TTC8: variants seen among roughly 807,000 people sequenced by gnomAD.
The protein encoded by TTC8 is tetratricopeptide repeat domain 8.
A neutral mutation model predicts 72.5 loss-of-function variants in TTC8; 47 were observed. The ratio of observed to expected loss-of-function variants is 0.65; its 90% CI spans 0.51 to 0.83. TTC8 has a LOEUF of 0.83. Among genes scored for constraint, TTC8 ranks in the 40% least tolerant of loss-of-function variants. TTC8 has a pLI of 0.00. For missense variants in TTC8, 611 were observed against 623.2 expected (o/e 0.98, Z 0.21); for synonymous variants, 199 against 221.4 (o/e 0.90, Z 0.90).
At chr14:88,833,894 A>G (rs755763168) in intron 2 of TTC8, 172 bp downstream of exon 2, 12 of 657,184 alleles carry the variant, frequency 1.8e-5, no homozygotes, top group Non-Finnish European at 1.1e-5. Flanking sequence ...TATATTTTCA[A>G]TACTTTTGTG....
At chr14:88,868,598 A>G (rs1384214203) in intron 10 of TTC8, among the ~76,000 whole-genome samples, 1 of 152,132 alleles carries the variant, frequency 6.6e-6, no homozygotes, top group Non-Finnish European at 1.5e-5. Flanking sequence ...TTTTTTTCAC[A>G]TTTTAACATC....
intron 7 of TTC8, among the ~76,000 whole-genome samples, chr14:88,847,180 T>G (rs368624902): frequency 6.6e-6 from 1 of 152,176 alleles, no homozygotes; most frequent in African/African-American, 2.4e-5. Flanking sequence ...TCAGGCAGGA[T>G]TGGAAAATAC....
chr14:88,860,419 G>A (rs1216039608), intron 9 of TTC8, among the ~76,000 whole-genome samples: 1 of 152,168 alleles, frequency 6.6e-6, no homozygotes, highest in African/African-American at 2.4e-5. Flanking sequence ...CTAATGAAGT[G>A]GAAGCCATTA....
Position 88,824,813 on chromosome 14 carries a change from T to C in TTC8, c.106T>C (p.Tyr36His). The change falls in exon 1 of 15, where the codon TAT (tyrosine) becomes CAT (histidine). Residue 36 changes from tyrosine (Y) to histidine (H), a missense_variant. Physicochemically the swap from Tyr to His is moderately conservative, Grantham distance 83. Coordinates refer to ENST00000380656, the MANE Select transcript of TTC8 (RefSeq NM_144596.4). ...LCTQMLEKSPYDQEPDPELPV... is the reference protein window; with the variant it reads ...LCTQMLEKSPHDQEPDPELPV... The stretch of plus-strand genomic sequence containing the variant: ...CACGCAGATGCTGGAGAAGTCCCCT[T>C]ATGACCAGGTACCGGCCAGCTCCCG... 2 of 1,612,710 alleles carry C rather than the reference T, an allele frequency of 1.2e-6. No individual in the cohort carries two copies. The highest frequency in any genetic ancestry group is 2.2e-5 in the East Asian group (1 of 44,830).
chr14:88,848,338 G>A (rs1193071883), intron 7 of TTC8, among the ~76,000 whole-genome samples: 1 of 151,930 alleles, frequency 6.6e-6, no homozygotes, highest in Non-Finnish European at 1.5e-5. Context: ...AAATCCTGAG[G>A]GAGAGTACAG....
At chr14:88,864,451 A>G (rs1388004129) in intron 10 of TTC8, among the ~76,000 whole-genome samples, 1 of 152,186 alleles carries the variant, frequency 6.6e-6, no homozygotes, top group Non-Finnish European at 1.5e-5. Context: ...CTTCTTAGAC[A>G]GGAAGTGCTA....
At chr14:88,846,411 C>A (rs1017986325) in intron 7 of TTC8, among the ~76,000 whole-genome samples, 4 of 152,092 alleles carry the variant, frequency 2.6e-5, no homozygotes, top group African/African-American at 9.7e-5. Context: ...GTAGGAAGAG[C>A]ATTTTCAAAG....
At chr14:88,860,978 AT>A (rs2094883237) in intron 9 of TTC8, among the ~76,000 whole-genome samples, 1 of 151,146 alleles carries the variant, frequency 6.6e-6, no homozygotes, top group East Asian at 1.9e-4. Context: ...TAATTTTTGT[AT>A]TTTTTGTAGA....
chr14:88,846,521 T>G, intron 7 of TTC8: 1 of 698,206 alleles, frequency 1.4e-6, no homozygotes. Context: ...GGGGGAAGAG[T>G]TGTTGGTGAT....
intron 14 of TTC8, among the ~76,000 whole-genome samples, chr14:88,876,740 AT>A (rs1254513208): frequency 6.6e-6 from 1 of 152,170 alleles, no homozygotes; most frequent in Non-Finnish European, 1.5e-5. Flanking sequence ...AAAACCAGAT[AT>A]TTTCCCAACA....
At chr14:88,867,001 A>AAAC (rs1175977454) in intron 10 of TTC8, among the ~76,000 whole-genome samples, 2 of 152,226 alleles carry the variant, frequency 1.3e-5, no homozygotes, top group African/African-American at 4.8e-5. Flanking sequence ...TAAAAAACTA[A>AAAC]AACAACAGTG....
In TTC8 at chr14:88,872,466, C is replaced by T; in HGVS notation, c.1347+14C>T. On this transcript the variant is annotated intron_variant, in intron 13 of 14. Coordinates refer to ENST00000380656, the MANE Select transcript of TTC8 (RefSeq NM_144596.4). Reference sequence around the variant, plus strand: ...CACGTTGAACAGGTCAGTGAACTGGCAGCGGCATGCTGGGCAGTCTGCTTT... The same window carrying T: ...CACGTTGAACAGGTCAGTGAACTGGTAGCGGCATGCTGGGCAGTCTGCTTT... 1 of 1,613,142 alleles carries T rather than the reference C, an allele frequency of 6.2e-7. No individual in the cohort carries two copies. Among genetic ancestry groups the T allele is most frequent in the Non-Finnish European group, 8.5e-7 (1 of 1,179,540 alleles).
chr14:88,840,682 A>T (rs1233935675), intron 3 of TTC8, among the ~76,000 whole-genome samples, 183 bp from the exon 4 acceptor site: 1 of 152,240 alleles, frequency 6.6e-6, no homozygotes, highest in Non-Finnish European at 1.5e-5. Context: ...ATTAAATGTG[A>T]TGACATAAGT....
At position 88,824,685 on chromosome 14, in the gene TTC8, C is replaced by T. The variant is rs1001706742; in HGVS notation, c.-23C>T. 1.3e-5 allele frequency: 20 copies of T among 1,578,268 alleles called. No individual in the cohort carries two copies. The highest frequency in any genetic ancestry group is 1.9e-4 in the Middle Eastern group (1 of 5,142). The stretch of plus-strand genomic sequence containing the variant: ...CCACCTCTCTCCTGGAGCGCTGGGC[C>T]TTCGCTGGCCGCACCGGCAGCCATG... On this transcript the variant is annotated 5_prime_UTR_variant, in exon 1 of 15. Transcript: ENST00000380656.
At position 88,857,296 on chromosome 14, in the gene TTC8, G is replaced by A; in HGVS notation, c.798+19G>A. ...GGCAAAAGTAAGTAAATCTTAATTT[G>A]AGTGAAATCTGCCTTCTCAGAATAA... On this transcript the variant is annotated intron_variant, in intron 9 of 14. Coordinates refer to ENST00000380656, the MANE Select transcript of TTC8 (RefSeq NM_144596.4). The A allele has an allele frequency of 6.3e-7, 1 of 1,595,378 alleles. No individual in the cohort carries two copies. The highest frequency in any genetic ancestry group is 8.6e-7 in the Non-Finnish European group (1 of 1,163,198).
intron 10 of TTC8, among the ~76,000 whole-genome samples, chr14:88,867,237 T>C (rs2094914102): frequency 6.6e-6 from 1 of 152,210 alleles, no homozygotes; most frequent in Non-Finnish European, 1.5e-5. Context: ...TGTACAAAGA[T>C]GTTTTTATAG....
At chr14:88,854,790 A>G (rs2094848827) in intron 8 of TTC8, among the ~76,000 whole-genome samples, 1 of 152,128 alleles carries the variant, frequency 6.6e-6, no homozygotes, top group African/African-American at 2.4e-5. Flanking sequence ...GGCTTAAGCC[A>G]TCCTGCTTCA....
Position 88,859,879 on chromosome 14 carries a change from T to TATTATATAATATATAATATAAATATATTA in TTC8, c.799-1341_799-1340insTATATAATATATAATATAAATATATTAAT, listed in dbSNP as rs1314952254. On this transcript the variant is annotated intron_variant, in intron 9 of 14. Coordinates refer to ENST00000380656, the MANE Select transcript of TTC8 (RefSeq NM_144596.4). ...AATCATATATAATATAAATATATTA[T>TATTATATAATATATAATATAAATATATTA]ATATTATATAATATATAATATAATA... is the stretch of plus-strand genomic sequence containing the variant. 4.4e-3 allele frequency among the ~76,000 whole-genome samples: 392 copies of TATTATATAATATATAATATAAATATATTA among 90,078 alleles called. 1 individual carries two copies. The highest frequency in any genetic ancestry group is 0.012 in the African/African-American group (362 of 30,438). 59.1% of individuals were successfully genotyped at this position (90,078 alleles called of 152,430 possible). A position where few individuals can be genotyped will look rare whatever the true frequency, so the allele number is the denominator to read the frequency against.
intron 1 of TTC8, among the ~76,000 whole-genome samples, chr14:88,827,244 C>A (rs925394195): frequency 6.6e-6 from 1 of 152,072 alleles, no homozygotes; most frequent in African/African-American, 2.4e-5. Context: ...GTGCTTACTA[C>A]AGATTGTGTA....
Sources: allele counts gnomAD v4.1 joint callset (sites outside exome capture counted in the v4.1 genomes callset), GRCh38; gene constraint gnomAD v4.1.1; transcripts MANE v1.5; gene names NCBI Gene and HGNC (gene_info 2026-07-23, HGNC 2026-07-21).